SLC5A1: variants seen among roughly 807,000 people sequenced by gnomAD.
SLC5A1 encodes the protein sodium/glucose cotransporter 1.
SLC5A1 carries 42 observed loss-of-function variants against 73.5 expected under a neutral mutation model. That is an observed-to-expected ratio of 0.57 (90% CI 0.45 to 0.74). The LOEUF (loss-of-function observed/expected upper bound fraction) is 0.74, where lower values mean the gene tolerates loss of function less well. Ranked by LOEUF, SLC5A1 falls within the 30% of genes least tolerant of loss-of-function variation. The probability of loss-of-function intolerance (pLI) is 0.00; values close to 1 mark genes in which losing one functional copy is unlikely to be tolerated. For missense variants in SLC5A1, 634 were observed against 855.4 expected (o/e 0.74, Z 3.23); for synonymous variants, 300 against 317.4 (o/e 0.95, Z 0.58).
chr22:32,067,849 G>T, intron 3 of SLC5A1, 118 bp from the exon 4 acceptor site: 3 of 1,034,200 alleles, frequency 2.9e-6, no homozygotes, highest in Non-Finnish European at 4.6e-6. Context: ...AGTCTCTAAC[G>T]GCTCCTTAGG....
intron 1 of SLC5A1, among the ~76,000 whole-genome samples, chr22:32,048,236 A>G (rs1183178280): frequency 1.3e-5 from 2 of 151,900 alleles, no homozygotes; most frequent in East Asian, 3.9e-4. Context: ...GTTCACTGAG[A>G]GAAGCCAATA....
intron 2 of SLC5A1, among the ~76,000 whole-genome samples, chr22:32,066,475 A>C (rs757471152): frequency 3.3e-5 from 5 of 152,116 alleles, no homozygotes; most frequent in Non-Finnish European, 5.9e-5. Context: ...CTTCCTTTGA[A>C]ATGATTTCTC....
chr22:32,070,262 C>T (rs1311808743), intron 5 of SLC5A1, among the ~76,000 whole-genome samples: 1 of 90,504 alleles, frequency 1.1e-5, no homozygotes, highest in Non-Finnish European at 2.3e-5. Context: ...CCCTCCCCCT[C>T]CCCTCCCCGT....
intron 13 of SLC5A1, 64 bp from the exon 14 acceptor site, chr22:32,104,722 C>CG (rs2094042095): frequency 7.6e-7 from 1 of 1,318,706 alleles, no homozygotes; most frequent in African/African-American, 1.4e-5. Flanking sequence ...TCTTTGCCCC[C>CG]CCAACTTCTT....
At chr22:32,049,214 TATATCTATATC>T (rs2093941962) in intron 1 of SLC5A1, among the ~76,000 whole-genome samples, 2 of 63,992 alleles carry the variant, frequency 3.1e-5, no homozygotes, top group African/African-American at 7.1e-5. Context: ...TATCTATATC[TATATCTATATC>T]TATATATATG....
At chr22:32,044,719 C>T (rs1055762161) in intron 1 of SLC5A1, among the ~76,000 whole-genome samples, 1 of 152,100 alleles carries the variant, frequency 6.6e-6, no homozygotes, top group Non-Finnish European at 1.5e-5. Flanking sequence ...GGGTAACTTC[C>T]CTCAGCCTCC....
chr22:32,080,721 C>T (rs535724609), intron 5 of SLC5A1, among the ~76,000 whole-genome samples: 2 of 152,286 alleles, frequency 1.3e-5, no homozygotes, highest in South Asian at 2.1e-4. Flanking sequence ...CTCAGCTGGG[C>T]GCAGTGGCTC....
At chr22:32,097,432 A>G (rs551823609) in intron 11 of SLC5A1, among the ~76,000 whole-genome samples, 9 of 152,356 alleles carry the variant, frequency 5.9e-5, no homozygotes, top group Non-Finnish European at 1.2e-4. Context: ...GTTGCAAGTA[A>G]GTGAGAAAAG....
At chr22:32,087,630 A>G (rs1242072445) in intron 10 of SLC5A1, among the ~76,000 whole-genome samples, 1 of 152,178 alleles carries the variant, frequency 6.6e-6, no homozygotes, top group Non-Finnish European at 1.5e-5. Context: ...CTGAATAGCT[A>G]GAGTTTTGTA....
At chr22:32,099,104 AAATATATATATAT>A (rs1569316189) in intron 11 of SLC5A1, 66 bp from the exon 12 acceptor site, 4 of 85,724 alleles carry the variant, frequency 4.7e-5, no homozygotes, top group South Asian at 2.7e-4. Context: ...AAAAAAAAAA[AAATATATATATAT>A]ATATATATAT....
At chr22:32,082,072 G>A (rs554245865) in intron 6 of SLC5A1, 101 bp downstream of exon 6, 4 of 809,258 alleles carry the variant, frequency 4.9e-6, no homozygotes, top group East Asian at 4.9e-5. Flanking sequence ...TTCTTGAGGA[G>A]AGATACACTC....
intron 10 of SLC5A1, among the ~76,000 whole-genome samples, chr22:32,088,033 T>C (rs1257515033): frequency 6.6e-6 from 1 of 152,128 alleles, no homozygotes; most frequent in East Asian, 1.9e-4. Context: ...TCAAATTATA[T>C]AAAAATGGGA....
At chr22:32,064,952 C>CT (rs915137967) in intron 2 of SLC5A1, among the ~76,000 whole-genome samples, 3 of 151,696 alleles carry the variant, frequency 2.0e-5, no homozygotes, top group Admixed American at 1.3e-4. Flanking sequence ...ATAAAACTAA[C>CT]TTTTTTTTTG....
At chr22:32,086,163 T>C in intron 9 of SLC5A1, 57 bp from the exon 10 acceptor site, 1 of 1,096,958 alleles carries the variant, frequency 9.1e-7, no homozygotes, top group Non-Finnish European at 1.4e-6. Context: ...AGAAGGTGAA[T>C]TTTGGAAATA....
At chr22:32,085,103 T>G in intron 9 of SLC5A1, 68 bp downstream of exon 9, 10 of 1,579,684 alleles carry the variant, frequency 6.3e-6, no homozygotes, top group Non-Finnish European at 8.7e-6. Flanking sequence ...TCTAAAGCTC[T>G]ATAGCTTCCC....
chr22:32,084,459 T>C lies in SLC5A1; in HGVS notation c.685T>C (p.Tyr229His). 6.2e-7 allele frequency: 1 copy of C among 1,614,192 alleles called. No individual in the cohort carries two copies. The highest frequency in any genetic ancestry group is 8.5e-7 in the Non-Finnish European group (1 of 1,179,992). ...TGFAFHEVGG[Y>H]DAFMEKYMKA... ...TCCAGCTTTTCACGAAGTGGGAGGC[T>C]ATGACGCCTTCATGGAAAAGTACAT... Residue 229 changes from tyrosine (Y) to histidine (H), a missense_variant, in exon 8 of 15, where the codon TAT becomes CAT. Around this residue, in one of 3 missense-constraint regions of SLC5A1, gnomAD observed 422 missense variants for 626.1 expected, o/e 0.67. Transcript: ENST00000266088.
chr22:32,055,399 C>T (rs902049466), intron 2 of SLC5A1, among the ~76,000 whole-genome samples: 1 of 152,144 alleles, frequency 6.6e-6, no homozygotes, highest in South Asian at 2.1e-4. Flanking sequence ...GGCAATGATC[C>T]AAGATTAAAT....
At chr22:32,101,959 A>T in intron 12 of SLC5A1, 63 bp from the exon 13 acceptor site, 1 of 1,293,292 alleles carries the variant, frequency 7.7e-7, no homozygotes, top group Non-Finnish European at 1.1e-6. Context: ...TCTCCAAAGA[A>T]TGTTAGAAAG....
At chr22:32,106,535 C>T (rs1403033767) in intron 14 of SLC5A1, among the ~76,000 whole-genome samples, 2 of 152,148 alleles carry the variant, frequency 1.3e-5, no homozygotes, top group Non-Finnish European at 2.9e-5. Flanking sequence ...AGCCTGTGAA[C>T]TGAGGGCAGA....
Sources: gnomAD v4.1 joint callset for allele counts (sites outside exome capture counted in the v4.1 genomes callset) on GRCh38, gnomAD v4.1.1 for gene constraint, gnomAD v4.1.1 regional missense constraint, MANE v1.5 for transcripts, NCBI Gene and HGNC (gene_info 2026-07-23, HGNC 2026-07-21) for gene names.